PKD1L1: variants seen among roughly 807,000 people sequenced by gnomAD.
PKD1L1 encodes polycystin-1-like protein 1.
PKD1L1 carries 236 observed loss-of-function variants against 323.4 expected under a neutral mutation model. The observed-to-expected ratio is 0.73, with a 90% confidence interval of 0.66 to 0.81. The LOEUF is 0.81. Ranked by LOEUF, PKD1L1 falls within the 40% of genes least tolerant of loss-of-function variation. PKD1L1 has a pLI of 0.00. For synonymous variants in PKD1L1, 1,344 were observed against 1,335.0 expected, an observed-to-expected ratio of 1.01 and a Z score of -0.15; for missense variants, 3,320 against 3,508.0, an observed-to-expected ratio of 0.95 and a Z score of 1.35.
At chr7:47,864,933 G>T (rs1029475687) in intron 26 of PKD1L1, among the ~76,000 whole-genome samples, 1 of 151,924 alleles carries the variant, frequency 6.6e-6, no homozygotes, top group Non-Finnish European at 1.5e-5. Flanking sequence ...TCACCATGTT[G>T]GTCAGGCTGG....
chr7:47,855,911 T>A (rs6962855), intron 28 of PKD1L1, among the ~76,000 whole-genome samples: 60 of 94,410 alleles, frequency 6.4e-4, no homozygotes, highest in African/African-American at 1.4e-3. Context: ...GAAAAGTATA[T>A]GCAAGAGTGA....
chr7:47,956,643 T>C, the PKD1L1 span: 1 of 152,192 alleles, frequency 6.6e-6, no homozygotes, highest in African/African-American at 2.4e-5. Flanking sequence ...CAGATATCAA[T>C]GTATAACTAC....
At chr7:47,928,903 C>A (rs890632890) in intron 7 of PKD1L1, among the ~76,000 whole-genome samples, 1 of 152,148 alleles carries the variant, frequency 6.6e-6, no homozygotes, top group Admixed American at 6.5e-5. Context: ...TAGGATGAAG[C>A]GCCAGTACAT....
chr7:47,923,705 A>G (rs186575607), intron 7 of PKD1L1, among the ~76,000 whole-genome samples: 131 of 152,140 alleles, frequency 8.6e-4, no homozygotes, highest in African/African-American at 3.1e-3. Context: ...ATCAATGATT[A>G]GAAGCCAACG....
At chr7:47,826,237 G>T (rs980117269) in intron 45 of PKD1L1, among the ~76,000 whole-genome samples, 1 of 152,114 alleles carries the variant, frequency 6.6e-6, no homozygotes, top group Non-Finnish European at 1.5e-5. Context: ...TCTCTGGTTG[G>T]TCCCCACCTG....
intron 44 of PKD1L1, among the ~76,000 whole-genome samples, chr7:47,828,370 G>C (rs952562169): frequency 3.9e-5 from 6 of 151,930 alleles, no homozygotes; most frequent in African/African-American, 1.5e-4. Context: ...GAGGGGAGAA[G>C]AGGAAGGAGA....
At chr7:47,792,236 T>G (rs887539722) in intron 56 of PKD1L1, among the ~76,000 whole-genome samples, 1 of 152,240 alleles carries the variant, frequency 6.6e-6, no homozygotes, top group African/African-American at 2.4e-5. Context: ...GCATCCTTTC[T>G]CCTTTTGGTC....
intron 1 of PKD1L1, among the ~76,000 whole-genome samples, chr7:47,947,429 G>A (rs1044452251): frequency 6.6e-6 from 1 of 152,250 alleles, no homozygotes; most frequent in African/African-American, 2.4e-5. Flanking sequence ...GTACCCCACT[G>A]GGCAAGATCT....
chr7:47,861,621 G>C (rs1296774848), intron 26 of PKD1L1, among the ~76,000 whole-genome samples: 1 of 152,048 alleles, frequency 6.6e-6, no homozygotes, highest in African/African-American at 2.4e-5. Context: ...GGTGGCTCAC[G>C]CCTGTAATCC....
At chr7:47,955,617 T>C in the PKD1L1 span, among the ~76,000 whole-genome samples, 2 of 152,224 alleles carry the variant, frequency 1.3e-5, no homozygotes, top group South Asian at 2.1e-4. Flanking sequence ...TATCAAACCA[T>C]AGTTTATTTA....
intron 7 of PKD1L1, among the ~76,000 whole-genome samples, chr7:47,925,635 C>A (rs1787642578): frequency 6.6e-6 from 1 of 152,272 alleles, no homozygotes; most frequent in African/African-American, 2.4e-5. Flanking sequence ...CCCCACGATA[C>A]CCTCCTCCCA....
intron 27 of PKD1L1, 33 bp from the exon 28 acceptor site, chr7:47,857,865 A>G (rs780919386): frequency 6.3e-7 from 1 of 1,587,042 alleles, no homozygotes; most frequent in Non-Finnish European, 8.6e-7. Flanking sequence ...TGGGATGTTT[A>G]TAACACAAAT....
chr7:47,933,324 A>G (rs1029107968), intron 4 of PKD1L1, among the ~76,000 whole-genome samples: 8 of 152,328 alleles, frequency 5.3e-5, no homozygotes, highest in Non-Finnish European at 1.2e-4. Flanking sequence ...TTCCTGAGGA[A>G]CAACTTCTGT....
chr7:47,910,498 C>T (rs927365553), intron 8 of PKD1L1, among the ~76,000 whole-genome samples: 1 of 151,806 alleles, frequency 6.6e-6, no homozygotes, highest in Admixed American at 6.6e-5. Context: ...CCATGCCTGG[C>T]TAATTTTGTT....
At chr7:47,780,652 G>T (rs906495453) in intron 56 of PKD1L1, among the ~76,000 whole-genome samples, 2 of 151,972 alleles carry the variant, frequency 1.3e-5, no homozygotes, top group Non-Finnish European at 2.9e-5. Context: ...TATATAAATA[G>T]AATCATATAG....
chr7:47,807,940 C>T (rs1784815289), intron 52 of PKD1L1, among the ~76,000 whole-genome samples: 1 of 152,164 alleles, frequency 6.6e-6, no homozygotes, highest in Non-Finnish European at 1.5e-5. Context: ...GCGCTAGCCT[C>T]CTTCCTCCAT....
At position 47,855,684 on chromosome 7, in the gene PKD1L1, G is replaced by A. The variant is rs916291008; in HGVS notation, c.4591-419C>T. ...GAGGTCAGGAGATCGAGACCATCCCGGCTATAACGGTGAAACCCCGTCTCT... is the reference window on the plus strand; with the variant it reads ...GAGGTCAGGAGATCGAGACCATCCCAGCTATAACGGTGAAACCCCGTCTCT... On this transcript the variant is annotated intron_variant, in intron 28 of 56. Transcript: ENST00000289672. Among the ~76,000 whole-genome samples the A allele has an allele frequency of 1.4e-4, 15 of 104,184 alleles. 1 individual carries two copies. The South Asian group carries it at 3.6e-3, about 25-fold the overall frequency. 68.3% of individuals were successfully genotyped at this position (104,184 alleles called of 152,430 possible).
chr7:47,845,677 C>A, intron 32 of PKD1L1, among the ~76,000 whole-genome samples: 1 of 152,200 alleles, frequency 6.6e-6, no homozygotes, highest in East Asian at 1.9e-4. Context: ...GCAACCTCTG[C>A]CTCCCAGGTT....
At chr7:47,858,433 A>C in intron 27 of PKD1L1, among the ~76,000 whole-genome samples, 1 of 152,298 alleles carries the variant, frequency 6.6e-6, no homozygotes, top group South Asian at 2.1e-4. Context: ...ATGAAAATCT[A>C]CCAAAACAAA....
Sources: gnomAD v4.1 joint callset for allele counts (sites outside exome capture counted in the v4.1 genomes callset) on GRCh38, gnomAD v4.1.1 for gene constraint, MANE v1.5 for transcripts, NCBI Gene and HGNC (gene_info 2026-07-23, HGNC 2026-07-21) for gene names.